Variants in NCOR1 observed in about 807,000 individuals in gnomAD.
NCOR1 encodes the protein nuclear receptor corepressor 1, also known as protein phosphatase 1, regulatory subunit 109.
Under a neutral mutation model 288.1 loss-of-function variants are expected in NCOR1, and 63 were observed. The ratio of observed to expected loss-of-function variants is 0.22; its 90% CI spans 0.18 to 0.27. NCOR1 has a LOEUF of 0.27. NCOR1 is among the 10% of genes least tolerant of loss of function. The probability of loss-of-function intolerance (pLI) is 1.00; values close to 1 mark genes in which losing one functional copy is unlikely to be tolerated. For missense variants in NCOR1, 2,397 were observed against 3,019.2 expected, an observed-to-expected ratio of 0.79 and a Z score of 4.83; for synonymous variants, 1,007 against 1,065.9, an observed-to-expected ratio of 0.94 and a Z score of 1.08.
intron 2 of NCOR1, among the ~76,000 whole-genome samples, chr17:16,190,196 T>C (rs1568573165): frequency 6.6e-6 from 1 of 152,158 alleles, no homozygotes; most frequent in Non-Finnish European, 1.5e-5. Context: ...CGTCACTGCA[T>C]TTCAGCCTGG....
intron 40 of NCOR1, among the ~76,000 whole-genome samples, chr17:16,054,626 A>G (rs2059708578): frequency 6.6e-6 from 1 of 152,164 alleles, no homozygotes; most frequent in African/African-American, 2.4e-5. Flanking sequence ...AATATCACTG[A>G]TCATTAGAGA....
Position 16,127,183 on chromosome 17 carries a change from C to CA in NCOR1, c.1510-978_1510-977insT, listed in dbSNP as rs2074263115. Among the ~76,000 whole-genome samples the CA allele has an allele frequency of 1.6e-5, 2 of 125,658 alleles. 1 individual carries two copies. Among genetic ancestry groups the CA allele is most frequent in the African/African-American group, 8.0e-5 (2 of 24,940 alleles). The allele number at this position is 125,658 out of a possible 152,430, so 82.4% of individuals were successfully genotyped here. A position where few individuals can be genotyped will look rare whatever the true frequency, so the allele number is the denominator to read the frequency against. On this transcript the variant is annotated intron_variant, in intron 14 of 45. Coordinates refer to ENST00000268712, the MANE Select transcript of NCOR1 (RefSeq NM_006311.4). ...TGTATATATACATGTATGTATATAT[C>CA]TGTATGTATATATACATGTATGTAT... is the stretch of plus-strand genomic sequence containing the variant.
intron 14 of NCOR1, among the ~76,000 whole-genome samples, chr17:16,127,787 C>T (rs1342105622): frequency 2.0e-5 from 3 of 150,468 alleles, no homozygotes; most frequent in Admixed American, 2.0e-4. Flanking sequence ...GGGTTCGGTA[C>T]TATCTGTGGT....
At chr17:16,199,214 AAAACACACAC>A (rs1357115200) in intron 1 of NCOR1, among the ~76,000 whole-genome samples, 9 of 111,794 alleles carry the variant, frequency 8.1e-5, no homozygotes, top group African/African-American at 2.7e-4. Context: ...GAAAAAAAAA[AAAACACACAC>A]ACACACACAC....
intron 4 of NCOR1, among the ~76,000 whole-genome samples, chr17:16,166,333 T>C (rs1032779032): frequency 2.2e-4 from 33 of 152,218 alleles, no homozygotes; most frequent in South Asian, 2.1e-4. Context: ...TCTCTTAAGA[T>C]GTAAATCCTT....
In NCOR1 at chr17:16,048,909, C is replaced by T; in HGVS notation, c.6472G>A (p.Val2158Met). 6.2e-7 allele frequency: 1 copy of T among 1,614,016 alleles called. No homozygotes were observed. Among genetic ancestry groups the T allele is most frequent in the Non-Finnish European group, 8.5e-7 (1 of 1,179,926 alleles). The change falls in exon 41 of 46, where the codon GTG becomes ATG. Residue 2158 changes from valine to methionine, a missense_variant. Transcript: ENST00000268712. ...EPISPPQVPVVHEKQDSLLLL... is the reference protein window; with the variant it reads ...EPISPPQVPVMHEKQDSLLLL... Reference sequence around the variant, plus strand: ...AGCAAGCTGTCCTGTTTCTCATGCACAACCGGAACCTGGGGTGGGGAGATG... The same window carrying T: ...AGCAAGCTGTCCTGTTTCTCATGCATAACCGGAACCTGGGGTGGGGAGATG...
At chr17:16,119,700 A>T (rs560465248) in intron 16 of NCOR1, among the ~76,000 whole-genome samples, 7 of 152,306 alleles carry the variant, frequency 4.6e-5, no homozygotes, top group Non-Finnish European at 8.8e-5. Context: ...AGTGTTGTTA[A>T]AAGTTCTCTT....
At chr17:16,204,865 G>C (rs1015330227) in intron 1 of NCOR1, among the ~76,000 whole-genome samples, 4 of 152,214 alleles carry the variant, frequency 2.6e-5, no homozygotes, top group African/African-American at 9.6e-5. Flanking sequence ...GCTGGGTTTG[G>C]ATATATCTGA....
At chr17:16,059,053 A>T (rs982567375) in intron 37 of NCOR1, among the ~76,000 whole-genome samples, 2 of 146,962 alleles carry the variant, frequency 1.4e-5, no homozygotes, top group Non-Finnish European at 3.0e-5. Context: ...CCGTCTCAAA[A>T]AAAAAAAAAA....
chr17:16,174,652 AAT>A (rs955690189), intron 3 of NCOR1, among the ~76,000 whole-genome samples: 1 of 152,134 alleles, frequency 6.6e-6, no homozygotes, highest in African/African-American at 2.4e-5. Context: ...GCCATAAATA[AAT>A]ATATAATTTA....
In NCOR1 at chr17:16,075,463, C is replaced by T. The variant is rs529197039; in HGVS notation, c.3670+71G>A. 39 of 1,516,112 alleles carry T rather than the reference C, an allele frequency of 2.6e-5. 1 individual carries two copies. Among genetic ancestry groups the T allele is most frequent in the South Asian group, 2.0e-4 (16 of 80,466 alleles). The allele number at this position is 1,516,112 out of a possible 1,614,324, so 93.9% of individuals were successfully genotyped here. A position where few individuals can be genotyped will look rare whatever the true frequency, so the allele number is the denominator to read the frequency against. On this transcript the variant is annotated intron_variant, in intron 27 of 45. Transcript: ENST00000268712. ...AACTGACTCCCAGAGAGCAGAAATGCGGGAAAACCCAAGCCTATGTTTTTA... is the reference window on the plus strand; with the variant it reads ...AACTGACTCCCAGAGAGCAGAAATGTGGGAAAACCCAAGCCTATGTTTTTA...
intron 32 of NCOR1, among the ~76,000 whole-genome samples, chr17:16,066,198 T>C (rs1489019385): frequency 6.6e-6 from 1 of 152,210 alleles, no homozygotes; most frequent in Non-Finnish European, 1.5e-5. Context: ...ATGGTAAATA[T>C]ATTTTAGGCT....
chr17:16,131,754 A>C (rs1366691357), intron 14 of NCOR1, among the ~76,000 whole-genome samples: 1 of 152,246 alleles, frequency 6.6e-6, no homozygotes, highest in Non-Finnish European at 1.5e-5. Context: ...CTTCCTGAAG[A>C]GTGAAAGCTG....
At chr17:16,192,326 CAACATAGCGAA>C (rs1345750060) in intron 2 of NCOR1, among the ~76,000 whole-genome samples, 3 of 152,016 alleles carry the variant, frequency 2.0e-5, no homozygotes, top group African/African-American at 7.2e-5. Flanking sequence ...CCAGCCTGGC[CAACATAGCGAA>C]AACTTGTCCC....
intron 18 of NCOR1, among the ~76,000 whole-genome samples, chr17:16,111,542 C>T (rs1303197775): frequency 1.3e-5 from 2 of 151,970 alleles, no homozygotes; most frequent in South Asian, 4.1e-4. Context: ...GCAGAGGTTG[C>T]AGTGAGCCAA....
intron 3 of NCOR1, among the ~76,000 whole-genome samples, chr17:16,184,996 T>G (rs1600150498): frequency 8.2e-6 from 1 of 122,054 alleles, no homozygotes. Context: ...CGCTTATATG[T>G]GGAATCTTAA....
intron 15 of NCOR1, among the ~76,000 whole-genome samples, chr17:16,125,049 A>C (rs960880728): frequency 3.3e-5 from 5 of 152,244 alleles, no homozygotes; most frequent in Non-Finnish European, 4.4e-5. Flanking sequence ...ACATCAACTT[A>C]ATCATGTAAC....
rs1232867269 is a variant in NCOR1 at position 16,040,571 on chromosome 17, A to G, written c.6680-77T>C. 3.3e-6 allele frequency: 4 copies of G among 1,194,082 alleles called. No individual in the cohort carries two copies. The East Asian group carries it at 1.0e-4, about 30-fold the overall frequency. The allele number at this position is 1,194,082 out of a possible 1,614,324, so 74.0% of individuals were successfully genotyped here. On this transcript the variant is annotated intron_variant, in intron 42 of 45. Coordinates refer to ENST00000268712, the MANE Select transcript of NCOR1 (RefSeq NM_006311.4). ...CAAACTAAAGTCTCAAAAAATTCCT[A>G]TAATAAAATTAATCTTTTTATTTTT...
In NCOR1 at chr17:16,171,787, G is replaced by A. The variant is rs2083187082; in HGVS notation, c.435+16C>T. ...ACAAACCTACAACTCTACAGGGTAA[G>A]AGAACAAATATTTACCTTCTTAGCA... On this transcript the variant is annotated intron_variant, in intron 4 of 45. Coordinates refer to ENST00000268712, the MANE Select transcript of NCOR1 (RefSeq NM_006311.4). 4.5e-6 allele frequency: 7 copies of A among 1,545,648 alleles called. No homozygotes were observed. Among genetic ancestry groups the A allele is most frequent in the South Asian group, 1.3e-5 (1 of 79,780 alleles).
Sources: gnomAD v4.1 joint callset for allele counts (sites outside exome capture counted in the v4.1 genomes callset) on GRCh38, gnomAD v4.1.1 for gene constraint, MANE v1.5 for transcripts, NCBI Gene and HGNC (gene_info 2026-07-23, HGNC 2026-07-21) for gene names.